Variants in NRXN3 observed in about 807,000 individuals in gnomAD.
NRXN3 encodes neurexin III.
Under a neutral mutation model 137.6 loss-of-function variants are expected in NRXN3, and 32 were observed. The observed-to-expected ratio is 0.23, with a 90% confidence interval of 0.18 to 0.31. The LOEUF (loss-of-function observed/expected upper bound fraction) is 0.31. Ranked by LOEUF, NRXN3 falls within the 10% of genes least tolerant of loss-of-function variation. The probability of loss-of-function intolerance (pLI) is 1.00; values close to 1 mark genes in which losing one functional copy is unlikely to be tolerated. For synonymous variants in NRXN3, 798 were observed against 784.5 expected, an observed-to-expected ratio of 1.02 and a Z score of -0.29; for missense variants, 1,574 against 2,062.5, an observed-to-expected ratio of 0.76 and a Z score of 4.59.
chr14:79,239,703 C>T (rs2073970185), intron 15 of NRXN3, among the ~76,000 whole-genome samples: 2 of 152,288 alleles, frequency 1.3e-5, no homozygotes, highest in East Asian at 1.9e-4. Flanking sequence ...TCTGCACTCT[C>T]ATGTTCATTG....
chr14:79,717,254 A>G (rs1015949571), intron 19 of NRXN3, among the ~76,000 whole-genome samples: 14 of 152,224 alleles, frequency 9.2e-5, no homozygotes, highest in African/African-American at 3.1e-4. Context: ...TAAAAAGCAC[A>G]CATAGCTTTG....
chr14:79,059,079 G>T (rs2099670321), intron 15 of NRXN3, among the ~76,000 whole-genome samples: 1 of 152,012 alleles, frequency 6.6e-6, no homozygotes, highest in African/African-American at 2.4e-5. Context: ...TCTCTCTCAG[G>T]ATTGGCCTCA....
At chr14:78,755,094 A>C (rs2098661769) in intron 8 of NRXN3, among the ~76,000 whole-genome samples, 1 of 151,978 alleles carries the variant, frequency 6.6e-6, no homozygotes, top group South Asian at 2.1e-4. Context: ...TGGCACGATC[A>C]TAGCTCACTG....
At chr14:79,202,628 G>A (rs534093407) in intron 15 of NRXN3, among the ~76,000 whole-genome samples, 2 of 152,092 alleles carry the variant, frequency 1.3e-5, no homozygotes, top group East Asian at 1.9e-4. Context: ...GAGAACATAC[G>A]ATGTTTGGTT....
chr14:78,937,585 A>G (rs1215797746), intron 10 of NRXN3, among the ~76,000 whole-genome samples: 1 of 152,204 alleles, frequency 6.6e-6, no homozygotes, highest in Non-Finnish European at 1.5e-5. Flanking sequence ...GTATTTAGTT[A>G]GGTTCAAAAT....
intron 4 of NRXN3, among the ~76,000 whole-genome samples, chr14:78,336,393 A>C (rs1404745756): frequency 1.3e-5 from 2 of 152,140 alleles, no homozygotes; most frequent in Non-Finnish European, 2.9e-5. Context: ...TTTTAGAAGG[A>C]AGAAAGGAGA....
chr14:78,350,723 T>A (rs2083369515), intron 4 of NRXN3, among the ~76,000 whole-genome samples: 1 of 152,132 alleles, frequency 6.6e-6, no homozygotes, highest in Admixed American at 6.5e-5. Context: ...AGGGGGCTCA[T>A]TAATGACCTG....
At chr14:79,731,815 T>C (rs1163969731) in intron 19 of NRXN3, among the ~76,000 whole-genome samples, 1 of 151,800 alleles carries the variant, frequency 6.6e-6, no homozygotes, top group Non-Finnish European at 1.5e-5. Context: ...TAGAATTTTT[T>C]ATTTTTTATT....
At chr14:78,383,652 G>A (rs1014743268) in intron 4 of NRXN3, among the ~76,000 whole-genome samples, 7 of 152,094 alleles carry the variant, frequency 4.6e-5, no homozygotes, top group Admixed American at 2.0e-4. Flanking sequence ...GAACTTAAGC[G>A]TCTTTAGTTT....
intron 15 of NRXN3, among the ~76,000 whole-genome samples, chr14:79,366,681 A>G (rs546205079): frequency 6.6e-6 from 1 of 152,224 alleles, no homozygotes; most frequent in East Asian, 1.9e-4. Flanking sequence ...TTCATTAATT[A>G]TTACAATATA....
intron 4 of NRXN3, among the ~76,000 whole-genome samples, chr14:78,351,983 A>T (rs1207190098): frequency 6.6e-6 from 1 of 151,854 alleles, no homozygotes; most frequent in Non-Finnish European, 1.5e-5. Context: ...GCTATTTGGA[A>T]GGCTGAGGCA....
At chr14:79,716,766 G>A (rs2098824988) in intron 19 of NRXN3, among the ~76,000 whole-genome samples, 1 of 152,066 alleles carries the variant, frequency 6.6e-6, no homozygotes, top group Non-Finnish European at 1.5e-5. Flanking sequence ...TTACTTCCCT[G>A]GCACAGCTGA....
In NRXN3 at chr14:78,295,887, G is replaced by C. The variant is rs1596981527; in HGVS notation, c.728-1944G>C. ...TAGTAAATTTAAAAAATATTCACGTGGGTCAAATAAAGACTCTTCCATCGC... is the reference window on the plus strand; with the variant it reads ...TAGTAAATTTAAAAAATATTCACGTCGGTCAAATAAAGACTCTTCCATCGC... On this transcript the variant is annotated intron_variant, in intron 3 of 20. Transcript: ENST00000335750. Among the ~76,000 whole-genome samples the C allele has an allele frequency of 2.6e-5, 4 of 152,010 alleles. No homozygotes were observed. The South Asian group carries it at 8.3e-4, about 32-fold the overall frequency.
intron 15 of NRXN3, among the ~76,000 whole-genome samples, chr14:79,409,370 T>A (rs2095371814): frequency 6.6e-6 from 1 of 151,532 alleles, no homozygotes; most frequent in East Asian, 1.9e-4. Context: ...CATGTGCACA[T>A]GTACATATTT....
At chr14:78,995,768 C>T (rs1006856711) in intron 15 of NRXN3, among the ~76,000 whole-genome samples, 15 of 152,074 alleles carry the variant, frequency 9.9e-5, no homozygotes, top group African/African-American at 3.6e-4. Context: ...ATGAGAGAAA[C>T]AAGATGGTAA....
chr14:79,619,853 A>C (rs2098202900), intron 16 of NRXN3, among the ~76,000 whole-genome samples: 1 of 152,144 alleles, frequency 6.6e-6, no homozygotes, highest in Non-Finnish European at 1.5e-5. Flanking sequence ...AAGTTTCTTA[A>C]TCATGAGTGC....
At chr14:79,114,091 C>G (rs1398828578) in intron 15 of NRXN3, among the ~76,000 whole-genome samples, 1 of 152,144 alleles carries the variant, frequency 6.6e-6, no homozygotes, top group Non-Finnish European at 1.5e-5. Flanking sequence ...TTCTCTAAAA[C>G]AGGGCAATGT....
intron 16 of NRXN3, among the ~76,000 whole-genome samples, chr14:79,557,443 A>T (rs537601853): frequency 6.6e-6 from 1 of 152,138 alleles, no homozygotes; most frequent in East Asian, 1.9e-4. Flanking sequence ...TCAAGTCAGT[A>T]TTCATATTAG....
chr14:78,948,219 A>G (rs906358107), intron 10 of NRXN3, among the ~76,000 whole-genome samples: 1 of 152,216 alleles, frequency 6.6e-6, no homozygotes, highest in Non-Finnish European at 1.5e-5. Context: ...TTCCTGCTCT[A>G]AGCACTGCAT....
Sources: allele counts gnomAD v4.1 joint callset (sites outside exome capture counted in the v4.1 genomes callset), GRCh38; gene constraint gnomAD v4.1.1; transcripts MANE v1.5; gene names NCBI Gene and HGNC (gene_info 2026-07-23, HGNC 2026-07-21).